Variants in LIMK2 observed in about 807,000 individuals in gnomAD.
LIMK2 encodes the protein LIM domain kinase 2.
In LIMK2, 35 loss-of-function variants were observed where a neutral mutation model predicts 75.7. That is an observed-to-expected ratio of 0.46 (90% CI 0.35 to 0.61). LIMK2 has a LOEUF of 0.61. Ranked by LOEUF, LIMK2 falls within the 20% of genes least tolerant of loss-of-function variation. LIMK2 has a pLI of 0.00. For synonymous variants in LIMK2, 301 were observed against 319.2 expected (o/e 0.94, Z 0.61); for missense variants, 623 against 831.0 (o/e 0.75, Z 3.08).
chr22:31,256,786 T>A (rs1162406365), intron 2 of LIMK2, among the ~76,000 whole-genome samples: 1 of 152,108 alleles, frequency 6.6e-6, no homozygotes, highest in Non-Finnish European at 1.5e-5. Flanking sequence ...AACCAAGCAA[T>A]GTTCAAACCT....
chr22:31,212,302 T>C lies in LIMK2; in HGVS notation c.-107T>C. ...CCGTTCGCGCCTGGGGCTGTGGTCT[T>C]CCCGCGCCTGAGGCGGCGGCGGCAG... On this transcript the variant is annotated 5_prime_UTR_variant, in exon 1 of 16. Coordinates refer to ENST00000331728, the MANE Select transcript of LIMK2 (RefSeq NM_005569.4). 1 of 1,214,882 alleles carries C rather than the reference T, an allele frequency of 8.2e-7. No individual in the cohort carries two copies. Among genetic ancestry groups the C allele is most frequent in the Non-Finnish European group, 1.1e-6 (1 of 948,632 alleles). 75.3% of individuals were successfully genotyped at this position (1,214,882 alleles called of 1,614,324 possible).
rs1450959491 is a variant in LIMK2 at position 31,259,874 on chromosome 22, G to A, written c.363-15G>A. ...GGACTCTAGCATCTTATTCCCCCCTGTGCCCTCTCCCCAGTGGGAAGTGCC... is the reference window on the plus strand; with the variant it reads ...GGACTCTAGCATCTTATTCCCCCCTATGCCCTCTCCCCAGTGGGAAGTGCC... On this transcript the variant is annotated splice_polypyrimidine_tract_variant and intron_variant, in intron 4 of 15. Coordinates refer to ENST00000331728, the MANE Select transcript of LIMK2 (RefSeq NM_005569.4). The A allele has an allele frequency of 1.3e-6, 2 of 1,596,864 alleles. No individual in the cohort carries two copies. The highest frequency in any genetic ancestry group is 1.4e-5 in the African/African-American group (1 of 73,812).
At chr22:31,238,275 A>G (rs2048596692) in intron 2 of LIMK2, among the ~76,000 whole-genome samples, 1 of 152,222 alleles carries the variant, frequency 6.6e-6, no homozygotes, top group South Asian at 2.1e-4. Flanking sequence ...AACCTGGGCT[A>G]GTTTGGCTGA....
chr22:31,248,774 G>A, intron 2 of LIMK2: 2 of 1,614,110 alleles, frequency 1.2e-6, no homozygotes, highest in Non-Finnish European at 1.7e-6. Context: ...GTTTCGGTGA[G>A]TTGGTCTCCG....
At chr22:31,278,223 C>T (rs2049051437) in intron 15 of LIMK2, 74 bp from the exon 16 acceptor site, 1 of 1,363,690 alleles carries the variant, frequency 7.3e-7, no homozygotes, top group Non-Finnish European at 1.0e-6. Context: ...AGTAGCTGAG[C>T]CTAGATCCCT....
At chr22:31,256,425 C>T (rs2123829864) in intron 2 of LIMK2, among the ~76,000 whole-genome samples, 1 of 151,746 alleles carries the variant, frequency 6.6e-6, no homozygotes, top group East Asian at 1.9e-4. Flanking sequence ...ACTGCAACCT[C>T]CACCTCCTGG....
chr22:31,212,939 C>T (rs565150696), intron 1 of LIMK2, among the ~76,000 whole-genome samples: 2 of 152,232 alleles, frequency 1.3e-5, no homozygotes, highest in South Asian at 4.1e-4. Flanking sequence ...CCCAAGGCTT[C>T]TCGCGGGCAT....
chr22:31,249,729 C>T (rs1454666561), intron 2 of LIMK2, among the ~76,000 whole-genome samples: 5 of 152,044 alleles, frequency 3.3e-5, no homozygotes, highest in Admixed American at 2.0e-4. Context: ...ATCTTGCTGC[C>T]GGGATACTAG....
chr22:31,243,996 G>T (rs1360145403), intron 2 of LIMK2, among the ~76,000 whole-genome samples: 2 of 152,212 alleles, frequency 1.3e-5, no homozygotes, highest in Non-Finnish European at 2.9e-5. Context: ...CCTGGGAGGG[G>T]CTTCTGCTTC....
intron 2 of LIMK2, chr22:31,248,501 C>A: frequency 6.5e-7 from 1 of 1,547,390 alleles, no homozygotes. Context: ...GGAGCCATCC[C>A]AGCCATGAGC....
At chr22:31,218,291 C>T (rs1396349186) in intron 1 of LIMK2, among the ~76,000 whole-genome samples, 1 of 152,200 alleles carries the variant, frequency 6.6e-6, no homozygotes, top group Non-Finnish European at 1.5e-5. Flanking sequence ...ATTCAGGTTT[C>T]AAACACACAT....
chr22:31,246,183 G>GTACACACACACACACACACA (rs2048667361), intron 2 of LIMK2, among the ~76,000 whole-genome samples: 1 of 134,994 alleles, frequency 7.4e-6, no homozygotes, highest in South Asian at 2.5e-4. Flanking sequence ...ACGCACGCAC[G>GTACACACACACACACACACA]CACACACACA....
Position 31,262,850 on chromosome 22 carries a change from G to T in LIMK2, c.854+59G>T. On this transcript the variant is annotated intron_variant, in intron 7 of 15. Transcript: ENST00000331728. This position sits in a 1 kb window ranked among gnomAD's most constrained non-coding sequence, Gnocchi z 5.0. The stretch of plus-strand genomic sequence containing the variant: ...ATGTCTGTCTCTCGGATGAAGCTGA[G>T]CTGGCTTTCAGAAGCCTGCAGAGTT... 7.0e-7 allele frequency: 1 copy of T among 1,418,942 alleles called. No homozygotes were observed. The highest frequency in any genetic ancestry group is 9.4e-7 in the Non-Finnish European group (1 of 1,062,604). The allele number at this position is 1,418,942 out of a possible 1,614,324, so 87.9% of individuals were successfully genotyped here.
In LIMK2 at chr22:31,259,221, C is replaced by T. The variant is rs1237000645; in HGVS notation, c.353C>T (p.Thr118Ile). The change falls in exon 4 of 16, where the codon ACC becomes ATC. Residue 118 changes from threonine (T) to isoleucine (I), a missense_variant. Transcript: ENST00000331728. ...GDAYALVQHA[T>I]LYCGKCHNEV... ...GCATATGCACTGGTGCAGCATGCCA[C>T]CCTCTACTGGTAAGATAGTGGTCCT... is the stretch of plus-strand genomic sequence containing the variant. 2.3e-5 allele frequency: 36 copies of T among 1,596,540 alleles called. No individual in the cohort carries two copies. The highest frequency in any genetic ancestry group is 3.1e-5 in the Non-Finnish European group (36 of 1,164,162).
chr22:31,238,793 A>G (rs777190899), intron 2 of LIMK2, among the ~76,000 whole-genome samples: 1 of 152,148 alleles, frequency 6.6e-6, no homozygotes, highest in Non-Finnish European at 1.5e-5. Context: ...TCACACGCAG[A>G]TTTTCTGTTA....
rs2048354393 is a variant in LIMK2 at position 31,212,408 on chromosome 22, C to CATGT, written c.1_4dup (p.Ser2TyrfsTer7). The CATGT allele has an allele frequency of 7.5e-7, 1 of 1,338,250 alleles. No individual in the cohort carries two copies. The highest frequency in any genetic ancestry group is 1.5e-5 in the African/African-American group (1 of 66,804). 82.9% of individuals were successfully genotyped at this position (1,338,250 alleles called of 1,614,324 possible). A position where few individuals can be genotyped will look rare whatever the true frequency, so the allele number is the denominator to read the frequency against. On this transcript the variant is annotated 5_prime_UTR_variant, in exon 1 of 16. The change creates a new upstream start codon in the 5' untranslated region. Transcript: ENST00000331728. ...CTCCCCATTTCCGCGCTCCCGGGAC[C>CATGT]ATGTCCGCGCTGGCGGGTAAGGAAG... is the stretch of plus-strand genomic sequence containing the variant.
chr22:31,271,225 G>A, intron 12 of LIMK2, 24 bp downstream of exon 12: 1 of 1,605,160 alleles, frequency 6.2e-7, no homozygotes, highest in Non-Finnish European at 8.5e-7. Flanking sequence ...CTCTGGGCCT[G>A]GCCTCCAGGG....
At position 31,273,528 on chromosome 22, in the gene LIMK2, C is replaced by G. The variant is rs1452630850; in HGVS notation, c.1614+21C>G. The G allele has an allele frequency of 5.0e-6, 8 of 1,609,762 alleles. No homozygotes were observed. In the South Asian group the frequency reaches 8.8e-5, roughly 18 times the overall value. ...GTGAGGTGAGCTCTGGCACCAAGGC[C>G]ATGCCCGAGGCAGCAGGCCTAGCAG... On this transcript the variant is annotated intron_variant, in intron 14 of 15. Coordinates refer to ENST00000331728, the MANE Select transcript of LIMK2 (RefSeq NM_005569.4).
At chr22:31,233,992 T>C (rs1234971080) in intron 2 of LIMK2, among the ~76,000 whole-genome samples, 2 of 152,024 alleles carry the variant, frequency 1.3e-5, no homozygotes, top group African/African-American at 2.4e-5. Flanking sequence ...TATAGAGCAG[T>C]TGGAAGGAGT....
Sources: allele counts gnomAD v4.1 joint callset (sites outside exome capture counted in the v4.1 genomes callset), GRCh38; gene constraint gnomAD v4.1.1; non-coding constraint Gnocchi (gnomAD v3.1); transcripts MANE v1.5; gene names NCBI Gene and HGNC (gene_info 2026-07-23, HGNC 2026-07-21).